Variants in WDFY3 observed in about 807,000 individuals in gnomAD.
The protein encoded by WDFY3 is WD repeat and FYVE domain-containing protein 3.
A neutral mutation model predicts 409.6 loss-of-function variants in WDFY3; 66 were observed. The observed-to-expected ratio is 0.16, with a 90% CI of 0.13 to 0.20. The LOEUF (loss-of-function observed/expected upper bound fraction) is 0.20. Among genes scored for constraint, WDFY3 ranks in the 10% least tolerant of loss-of-function variants. The probability of loss-of-function intolerance (pLI) is 1.00; values close to 1 mark genes in which losing one functional copy is unlikely to be tolerated. For missense variants in WDFY3, 3,031 were observed against 4,298.1 expected (o/e 0.71, Z 8.24); for synonymous variants, 1,521 against 1,537.1 (o/e 0.99, Z 0.25).
chr4:84,772,671 A>AT (rs1744869683), intron 30 of WDFY3, among the ~76,000 whole-genome samples, 164 bp downstream of exon 30: 1 of 152,198 alleles, frequency 6.6e-6, no homozygotes, highest in African/African-American at 2.4e-5. Context: ...TAGGCTTAAT[A>AT]TAAGACAAAT....
chr4:84,895,070 G>T (rs1444812706), intron 3 of WDFY3, among the ~76,000 whole-genome samples: 1 of 151,736 alleles, frequency 6.6e-6, no homozygotes, highest in East Asian at 1.9e-4. Context: ...ACTCAGGTTA[G>T]CTTTTATTAA....
chr4:84,853,321 C>T (rs1054025756), intron 4 of WDFY3, among the ~76,000 whole-genome samples: 7 of 152,070 alleles, frequency 4.6e-5, no homozygotes, highest in African/African-American at 1.4e-4. Flanking sequence ...CAGGCACCCA[C>T]CACCACACCC....
chr4:84,829,069 G>T lies in WDFY3; in HGVS notation c.891C>A (p.Ser297=). The T allele has an allele frequency of 6.2e-7, 1 of 1,613,518 alleles. No homozygotes were observed. Among genetic ancestry groups the T allele is most frequent in the Non-Finnish European group, 8.5e-7 (1 of 1,179,700 alleles). Residue 297 remains serine (S), a synonymous_variant, in exon 9 of 68, where the codon TCC becomes TCA. Transcript: ENST00000295888. Reference sequence around the variant, plus strand: ...TCCGAAAATCATCCAGAAGTGTTTGGGAAACATCGCTGGAATCTTTGAGGA... The same window carrying T: ...TCCGAAAATCATCCAGAAGTGTTTGTGAAACATCGCTGGAATCTTTGAGGA... ...SCFLKDSSDV[S]QTLLDDFRIW... is the part of the protein sequence containing the mutation.
intron 2 of WDFY3, among the ~76,000 whole-genome samples, chr4:84,908,308 CA>C (rs1408357984): frequency 6.6e-6 from 1 of 152,104 alleles, no homozygotes; most frequent in African/African-American, 2.4e-5. Flanking sequence ...ACAGATTCAA[CA>C]GACATTTAGA....
intron 1 of WDFY3, among the ~76,000 whole-genome samples, chr4:84,945,297 G>A (rs960499824): frequency 6.6e-6 from 1 of 152,210 alleles, no homozygotes; most frequent in Non-Finnish European, 1.5e-5. Context: ...ACATTTGCCT[G>A]AGTCCCCCAA....
At chr4:84,735,247 A>G (rs1737241248) in intron 42 of WDFY3, 127 bp from the exon 43 acceptor site, 2 of 814,162 alleles carry the variant, frequency 2.5e-6, no homozygotes, top group African/African-American at 1.7e-5. Flanking sequence ...CAGAAAACTA[A>G]AACAAAAAAT....
At chr4:84,726,963 G>T in intron 44 of WDFY3, 52 bp from the exon 45 acceptor site, 1 of 1,508,270 alleles carries the variant, frequency 6.6e-7, no homozygotes, top group Non-Finnish European at 8.9e-7. Flanking sequence ...ACATAAAGAG[G>T]AACACAAAAA....
chr4:84,940,792 C>A (rs535339000), intron 1 of WDFY3, among the ~76,000 whole-genome samples: 27 of 151,886 alleles, frequency 1.8e-4, no homozygotes, highest in South Asian at 1.0e-3. Context: ...ATAAGGAAAC[C>A]AAATCTGGCA....
intron 3 of WDFY3, among the ~76,000 whole-genome samples, chr4:84,878,219 T>C (rs896586884): frequency 6.6e-6 from 1 of 151,954 alleles, no homozygotes; most frequent in Non-Finnish European, 1.5e-5. Flanking sequence ...CAAAAGGCAA[T>C]AAGCCAGAAT....
At chr4:84,963,497 T>C (rs1775203389) in intron 1 of WDFY3, among the ~76,000 whole-genome samples, 1 of 150,540 alleles carries the variant, frequency 6.6e-6, no homozygotes, top group Non-Finnish European at 1.5e-5. Context: ...AATACTAAAA[T>C]CAGAGGTGGA....
chr4:84,727,962 T>C (rs1206657865), intron 44 of WDFY3, among the ~76,000 whole-genome samples: 1 of 152,146 alleles, frequency 6.6e-6, no homozygotes, highest in Non-Finnish European at 1.5e-5. Context: ...AATGTATATA[T>C]TTGTTAAAAC....
At chr4:84,679,523 C>T (rs1343515198) in intron 64 of WDFY3, among the ~76,000 whole-genome samples, 2 of 152,070 alleles carry the variant, frequency 1.3e-5, no homozygotes, top group African/African-American at 2.4e-5. Context: ...CTGCCTTTGC[C>T]GCACACTCCC....
intron 30 of WDFY3, among the ~76,000 whole-genome samples, chr4:84,768,736 T>G (rs1744121969): frequency 6.6e-6 from 1 of 152,190 alleles, no homozygotes. Context: ...ATATATCCAT[T>G]CTGTAGCCCA....
chr4:84,932,890 G>C (rs1486487572), intron 1 of WDFY3, among the ~76,000 whole-genome samples: 1 of 152,082 alleles, frequency 6.6e-6, no homozygotes, highest in African/African-American at 2.4e-5. Context: ...CAAGTTATTT[G>C]GGTTGCCTTA....
At chr4:84,960,239 A>T (rs1340129175) in intron 1 of WDFY3, among the ~76,000 whole-genome samples, 2 of 152,166 alleles carry the variant, frequency 1.3e-5, no homozygotes, top group African/African-American at 4.8e-5. Flanking sequence ...AATGCTACAC[A>T]GCCACTTCCC....
At chr4:84,786,787 A>G (rs956845837) in intron 23 of WDFY3, among the ~76,000 whole-genome samples, 3 of 152,238 alleles carry the variant, frequency 2.0e-5, no homozygotes, top group Non-Finnish European at 4.4e-5. Flanking sequence ...TGACTTATTT[A>G]GCACACAGTA....
chr4:84,820,666 T>G, intron 11 of WDFY3, among the ~76,000 whole-genome samples: 1 of 152,146 alleles, frequency 6.6e-6, no homozygotes, highest in East Asian at 1.9e-4. Flanking sequence ...ATAACATCAT[T>G]AAATATACGT....
intron 7 of WDFY3, among the ~76,000 whole-genome samples, chr4:84,832,539 C>T (rs189916890): frequency 5.9e-5 from 9 of 152,128 alleles, no homozygotes; most frequent in Admixed American, 4.6e-4. Context: ...GATATATATA[C>T]GCTAGTTACC....
intron 5 of WDFY3, among the ~76,000 whole-genome samples, chr4:84,847,790 C>CA (rs78361102): frequency 0.012 from 971 of 82,430 alleles, 5 homozygotes; most frequent in African/African-American, 0.021. Context: ...AAAAAAAAAC[C>CA]AAAAAAAAAA....
Sources: gnomAD v4.1 joint callset for allele counts (sites outside exome capture counted in the v4.1 genomes callset) on GRCh38, gnomAD v4.1.1 for gene constraint, MANE v1.5 for transcripts, NCBI Gene and HGNC (gene_info 2026-07-23, HGNC 2026-07-21) for gene names.